The following SLC26A5 variants were observed in gnomAD, a reference collection of about 807,000 sequenced individuals.
SLC26A5 encodes the protein prestin.
In SLC26A5, 51 loss-of-function variants were observed where a neutral mutation model predicts 81.0. The observed-to-expected ratio is 0.63, with a 90% CI of 0.50 to 0.80. SLC26A5 has a LOEUF of 0.80. Among genes scored for constraint, SLC26A5 ranks in the 30% least tolerant of loss-of-function variants. The pLI is 0.00. For missense variants in SLC26A5, 771 were observed against 905.8 expected, an observed-to-expected ratio of 0.85 and a Z score of 1.91; for synonymous variants, 325 against 332.8, an observed-to-expected ratio of 0.98 and a Z score of 0.25.
intron 19 of SLC26A5, chr7:103,355,036 T>A: frequency 1.2e-6 from 1 of 851,766 alleles, no homozygotes. Context: ...TACTCCTTCA[T>A]GATTACAGAT....
At chr7:103,383,452 G>C (rs1232745002) in intron 14 of SLC26A5, among the ~76,000 whole-genome samples, 1 of 152,126 alleles carries the variant, frequency 6.6e-6, no homozygotes, top group East Asian at 1.9e-4. Flanking sequence ...GCAGTGCCCT[G>C]GCACACCATT....
intron 19 of SLC26A5, chr7:103,365,951 GTT>G (rs1182042541): frequency 2.0e-5 from 15 of 748,916 alleles, no homozygotes; most frequent in Admixed American, 3.0e-5. Context: ...AATAAAAAAC[GTT>G]TAGGTAATAA....
intron 19 of SLC26A5, among the ~76,000 whole-genome samples, chr7:103,357,075 C>T (rs1466248656): frequency 6.6e-6 from 1 of 152,074 alleles, no homozygotes; most frequent in Non-Finnish European, 1.5e-5. Context: ...CCTGTAATCC[C>T]AGCACTTTGG....
intron 19 of SLC26A5, chr7:103,366,175 A>C (rs1820707204): frequency 6.3e-7 from 1 of 1,587,778 alleles, no homozygotes; most frequent in African/African-American, 1.3e-5. Flanking sequence ...TGAGAATGAT[A>C]CGTTAGAGAA....
At chr7:103,362,281 C>T in intron 19 of SLC26A5, 1 of 1,408,206 alleles carries the variant, frequency 7.1e-7, no homozygotes, top group Admixed American at 3.2e-5. Flanking sequence ...GCTGACTCCC[C>T]TACTCCCACT....
chr7:103,389,216 T>C (rs1368325682), intron 13 of SLC26A5, 102 bp from the exon 14 acceptor site: 2 of 1,197,658 alleles, frequency 1.7e-6, no homozygotes, highest in African/African-American at 3.0e-5. Flanking sequence ...TTACCTTGTC[T>C]AACTGGATAC....
chr7:103,416,189 T>C (rs1377535675), intron 4 of SLC26A5, among the ~76,000 whole-genome samples: 6 of 152,238 alleles, frequency 3.9e-5, no homozygotes, highest in Non-Finnish European at 7.3e-5. Context: ...TTTGCCCTGT[T>C]ATTTCTGTTC....
At chr7:103,388,199 T>TG (rs1397095179) in intron 14 of SLC26A5, among the ~76,000 whole-genome samples, 1 of 148,136 alleles carries the variant, frequency 6.8e-6, no homozygotes, top group African/African-American at 2.5e-5. Context: ...TAAAGTTTTT[T>TG]TTTTTTTTTT....
rs1444975802 is a variant in SLC26A5, at chr7:103,391,617, C to A, written c.1233+5G>T. ...TCAGGTCTTAGAGGCCTGTTATGTA[C>A]ATACCTGTGTCTTCCCACCGGTTCC... On this transcript the variant is annotated splice_donor_5th_base_variant and intron_variant, in intron 11 of 19. Transcript: ENST00000306312. The A allele has an allele frequency of 6.2e-7, 1 of 1,611,556 alleles. No homozygotes were observed. The highest frequency in any genetic ancestry group is 2.2e-5 in the East Asian group (1 of 44,866).
At chr7:103,419,542 ATT>A (rs540867051) in intron 4 of SLC26A5, among the ~76,000 whole-genome samples, 1 of 134,712 alleles carries the variant, frequency 7.4e-6, no homozygotes. Context: ...TGGATCCACT[ATT>A]TTTTTTTTTT....
intron 2 of SLC26A5, among the ~76,000 whole-genome samples, chr7:103,426,487 A>G (rs1397263178): frequency 6.6e-6 from 1 of 152,192 alleles, no homozygotes; most frequent in African/African-American, 2.4e-5. Flanking sequence ...TTAACTGGGT[A>G]TCTTGTATTT....
intron 4 of SLC26A5, among the ~76,000 whole-genome samples, chr7:103,413,942 T>G (rs891826677): frequency 1.4e-5 from 2 of 148,038 alleles, no homozygotes; most frequent in Non-Finnish European, 3.0e-5. Context: ...CCCACCAGAG[T>G]GGCACATCTG....
chr7:103,355,035 A>G (rs147050518), intron 19 of SLC26A5: 11 of 842,506 alleles, frequency 1.3e-5, no homozygotes, highest in Non-Finnish European at 1.9e-5. Context: ...TTACTCCTTC[A>G]TGATTACAGA....
chr7:103,370,421 C>T (rs1820966546), downstream of SLC26A5, among the ~76,000 whole-genome samples: 1 of 151,536 alleles, frequency 6.6e-6, no homozygotes, highest in Non-Finnish European at 1.5e-5. Flanking sequence ...CACACCCACC[C>T]ACCCCAGGAC....
intron 5 of SLC26A5, among the ~76,000 whole-genome samples, chr7:103,411,945 A>G (rs1011995471): frequency 2.0e-5 from 3 of 152,198 alleles, no homozygotes; most frequent in African/African-American, 7.2e-5. Flanking sequence ...CAGGCTAGGT[A>G]ATAAAAGGGC....
intron 17 of SLC26A5, 125 bp from the exon 18 acceptor site, chr7:103,377,924 A>G (rs1284071013): frequency 5.7e-6 from 5 of 871,612 alleles, no homozygotes; most frequent in South Asian, 5.6e-5. Flanking sequence ...GACCCCTTGT[A>G]AAATATTTGT....
intron 17 of SLC26A5, 99 bp downstream of exon 17, chr7:103,378,347 T>C: frequency 8.4e-7 from 1 of 1,196,016 alleles, no homozygotes; most frequent in South Asian, 1.2e-5. Context: ...TTTCCTCTTT[T>C]AGTAACTTCG....
intron 2 of SLC26A5, 97 bp from the exon 3 acceptor site, chr7:103,421,664 G>C: frequency 1.2e-6 from 1 of 802,526 alleles, no homozygotes; most frequent in Non-Finnish European, 2.0e-6. Context: ...GTTCTTCTGA[G>C]GCTTTCTTTG....
Position 103,397,104 on chromosome 7 carries a change from G to A in SLC26A5, c.971+828C>T, listed in dbSNP as rs57559112. ...AGTGAGACTCGGTCTCAAAAAAAAA[G>A]AAAAAAAAAAAAAGCCAAGCACAGT... On this transcript the variant is annotated intron_variant, in intron 9 of 19. Coordinates refer to ENST00000306312, the MANE Select transcript of SLC26A5 (RefSeq NM_198999.3). 6.2e-3 allele frequency among the ~76,000 whole-genome samples: 550 copies of A among 89,256 alleles called. 2 individuals are homozygous for A. Among genetic ancestry groups the A allele is most frequent in the African/African-American group, 7.7e-3 (207 of 26,790 alleles). The allele number at this position is 89,256 out of a possible 152,430, so 58.6% of individuals were successfully genotyped here.
Sources: gnomAD v4.1 joint callset for allele counts (sites outside exome capture counted in the v4.1 genomes callset) on GRCh38, gnomAD v4.1.1 for gene constraint, MANE v1.5 for transcripts, NCBI Gene and HGNC (gene_info 2026-07-23, HGNC 2026-07-21) for gene names.